TSC22D2: variants seen among roughly 807,000 people sequenced by gnomAD.
The protein encoded by TSC22D2 is TSC22 domain family member 2.
A neutral mutation model predicts 50.1 loss-of-function variants in TSC22D2; 5 were observed. The observed-to-expected ratio is 0.10, with a 90% CI of 0.05 to 0.21. The LOEUF (loss-of-function observed/expected upper bound fraction) is 0.21, where lower values mean the gene tolerates loss of function less well. Among genes scored for constraint, TSC22D2 ranks in the 10% least tolerant of loss-of-function variants. The pLI is 1.00. For missense variants in TSC22D2, 1,003 were observed against 1,015.5 expected, an observed-to-expected ratio of 0.99 and a Z score of 0.17; for synonymous variants, 501 against 450.1, an observed-to-expected ratio of 1.11 and a Z score of -1.43.
chr3:150,434,197 G>A (rs1720466172), intron 1 of TSC22D2, among the ~76,000 whole-genome samples: 1 of 150,448 alleles, frequency 6.6e-6, no homozygotes, highest in African/African-American at 2.4e-5. Context: ...CACCCAGGCT[G>A]GAATGCAGTG....
chr3:150,427,585 C>T (rs981123341), intron 1 of TSC22D2, among the ~76,000 whole-genome samples: 2 of 152,080 alleles, frequency 1.3e-5, no homozygotes, highest in Non-Finnish European at 2.9e-5. Context: ...AGGATATGTA[C>T]CTGAACCATT....
rs1276198789 is a variant in TSC22D2, at chr3:150,464,163, TAAC to T, written c.*5531_*5533del. The T allele has an allele frequency of 1.3e-5, 2 of 152,170 alleles. No individual in the cohort carries two copies. The highest frequency in any genetic ancestry group is 4.8e-5 in the African/African-American group (2 of 41,444). The allele number at this position is 152,170 out of a possible 1,614,324, so 9.4% of individuals were successfully genotyped here. A position where few individuals can be genotyped will look rare whatever the true frequency, so the allele number is the denominator to read the frequency against. On this transcript the variant is annotated 3_prime_UTR_variant, in exon 3 of 3. Coordinates refer to ENST00000688009, the MANE Select transcript of TSC22D2 (RefSeq NM_001303264.2). The stretch of plus-strand genomic sequence containing the variant: ...TTTGCATGCCTACAATATTTCCATA[TAAC>T]AACTGTAAAATACTCTTGCCTGCTG...
intron 1 of TSC22D2, among the ~76,000 whole-genome samples, chr3:150,440,453 ATT>A (rs11290815): frequency 0.011 from 1,600 of 148,658 alleles, 26 homozygotes; most frequent in African/African-American, 0.037. Flanking sequence ...ATATATGTGT[ATT>A]TTTTTTTTTA....
Position 150,410,562 on chromosome 3 carries a change from C to T in TSC22D2, c.1212C>T (p.Ser404=), listed in dbSNP as rs1348364288. Residue 404 remains serine (S), a synonymous_variant, in exon 1 of 3, where the codon AGC becomes AGT. Transcript: ENST00000688009. ...CCTCGTCCACCGGCGCCGCAGCGAG[C>T]CCCGCCACGGCGGCCACCCTTCCCG... ...AQPSSTGAAA[S]PATAATLPVG... is the part of the protein sequence containing the mutation. 2 of 1,551,978 alleles carry T rather than the reference C, an allele frequency of 1.3e-6. No homozygotes were observed. Among genetic ancestry groups the T allele is most frequent in the Non-Finnish European group, 1.7e-6 (2 of 1,150,788 alleles).
rs145849661 is a variant in TSC22D2 at position 150,411,614 on chromosome 3, A to G, written c.1958+306A>G. On this transcript the variant is annotated intron_variant, in intron 1 of 2. Transcript: ENST00000688009. ...GTGGTAGCTAGTGTGTTATGCTCCC[A>G]TAGAATTGTCCTTTTCTTACATATC... Among the ~76,000 whole-genome samples, 342 of 152,288 alleles carry G rather than the reference A, an allele frequency of 2.2e-3. 1 individual carries two copies. Among genetic ancestry groups the G allele is most frequent in the African/African-American group, 7.9e-3 (328 of 41,534 alleles).
intron 1 of TSC22D2, among the ~76,000 whole-genome samples, chr3:150,425,032 A>G (rs1210357178): frequency 6.6e-6 from 1 of 152,214 alleles, no homozygotes; most frequent in East Asian, 1.9e-4. Context: ...ATAAAGTATC[A>G]TGAGACCGTT....
chr3:150,431,224 CAAAAAAAAAAAAAAAA>C lies in TSC22D2; in HGVS notation c.1958+19928_1958+19943del, dbSNP rs71138443. 1.8e-4 allele frequency among the ~76,000 whole-genome samples: 5 copies of C among 27,962 alleles called. No homozygotes were observed. The South Asian group carries it at 6.0e-3, about 33-fold the overall frequency. The allele number at this position is 27,962 out of a possible 152,430, so 18.3% of individuals were successfully genotyped here. On this transcript the variant is annotated intron_variant, in intron 1 of 2. Transcript: ENST00000688009. ...TGGGTGACAGAGTGAGGCTCTGTCT[CAAAAAAAAAAAAAAAA>C]AAAAAAAAAAAGAGTAGATAGGAAA...
chr3:150,436,235 A>T (rs888228695), intron 1 of TSC22D2, among the ~76,000 whole-genome samples: 3 of 151,852 alleles, frequency 2.0e-5, no homozygotes, highest in Admixed American at 6.6e-5. Flanking sequence ...CACCCTTAAA[A>T]TTTTTTTTTG....
Position 150,409,080 on chromosome 3 carries a change from G to A in TSC22D2, c.-271G>A. 2.9e-6 allele frequency: 1 copy of A among 347,286 alleles called. No homozygotes were observed. The highest frequency in any genetic ancestry group is 5.3e-6 in the Non-Finnish European group (1 of 189,270). The allele number at this position is 347,286 out of a possible 1,614,324, so 21.5% of individuals were successfully genotyped here. On this transcript the variant is annotated 5_prime_UTR_variant, in exon 1 of 3. Transcript: ENST00000688009. This position sits in a 1 kb window ranked among gnomAD's most constrained non-coding sequence, Gnocchi z 7.4. ...TCTGAGGGAATTGAATTGAGGCGCC[G>A]CGGCTGCGAGAGCTAAAAAGGAAGG...
intron 1 of TSC22D2, among the ~76,000 whole-genome samples, chr3:150,449,135 T>C (rs1286283528): frequency 1.3e-5 from 2 of 152,178 alleles, no homozygotes; most frequent in African/African-American, 4.8e-5. Flanking sequence ...TGTTGATCAT[T>C]GTTTTGTTTG....
At chr3:150,418,096 T>C (rs2108065475) in intron 1 of TSC22D2, among the ~76,000 whole-genome samples, 1 of 152,194 alleles carries the variant, frequency 6.6e-6, no homozygotes, top group Middle Eastern at 3.4e-3. Context: ...CACTTGACTA[T>C]TGTGTGGCAA....
intron 1 of TSC22D2, among the ~76,000 whole-genome samples, chr3:150,429,046 C>T (rs1350993152): frequency 1.3e-5 from 2 of 152,076 alleles, no homozygotes; most frequent in African/African-American, 2.4e-5. Flanking sequence ...ACTTCTGTTT[C>T]GTCATTATTG....
rs779029786 is a variant in TSC22D2 at position 150,410,418 on chromosome 3, G to T, written c.1068G>T (p.Gln356His). ...VGAPAAQQPQ[Q>H]FAYPQPQIPP... is the part of the protein sequence containing the mutation. ...CCCCCGCGGCGCAGCAGCCCCAGCA[G>T]TTCGCGTATCCTCAGCCTCAGATAC... The change falls in exon 1 of 3, where the codon CAG becomes CAT. Residue 356 changes from glutamine (Q) to histidine (H), a missense_variant. Gln to His is a conservative substitution (Grantham distance 24). Transcript: ENST00000688009. The T allele has an allele frequency of 2.5e-6, 4 of 1,608,946 alleles. No individual in the cohort carries two copies.
intron 1 of TSC22D2, among the ~76,000 whole-genome samples, chr3:150,436,457 A>G (rs1720547188): frequency 6.6e-6 from 1 of 152,142 alleles, no homozygotes; most frequent in African/African-American, 2.4e-5. Context: ...TACCAGCATT[A>G]TAGATAAGTA....
At chr3:150,452,445 CAAAA>C (rs111675293) in intron 1 of TSC22D2, among the ~76,000 whole-genome samples, 1 of 140,690 alleles carries the variant, frequency 7.1e-6, no homozygotes, top group African/African-American at 2.6e-5. Context: ...AACTCTGTCT[CAAAA>C]AAAAAAAAGA....
At chr3:150,412,239 T>G (rs576476139) in intron 1 of TSC22D2, among the ~76,000 whole-genome samples, 1 of 152,304 alleles carries the variant, frequency 6.6e-6, no homozygotes, top group African/African-American at 2.4e-5. Flanking sequence ...TTGCAAAATT[T>G]TAAAAGCTGA....
At chr3:150,429,614 AAG>A (rs749107082) in intron 1 of TSC22D2, among the ~76,000 whole-genome samples, 110 of 152,150 alleles carry the variant, frequency 7.2e-4, no homozygotes, top group Non-Finnish European at 2.8e-4. Context: ...GTGGGAAAGA[AAG>A]AAATTGTATG....
At position 150,460,232 on chromosome 3, in the gene TSC22D2, T is replaced by TAAAAC. The variant is rs1049501275; in HGVS notation, c.*1599_*1603dup. ...ACTGATAGTTCTTAAATTTTCAAAGTAAAACAATTTAAAGAATGCAAAAAT... is the reference window on the plus strand; with the variant it reads ...ACTGATAGTTCTTAAATTTTCAAAGTAAAACAAAACAATTTAAAGAATGCAAAAAT... On this transcript the variant is annotated 3_prime_UTR_variant, in exon 3 of 3. Transcript: ENST00000688009. The TAAAAC allele has an allele frequency of 1.3e-5, 2 of 152,148 alleles. No homozygotes were observed. The highest frequency in any genetic ancestry group is 4.8e-5 in the African/African-American group (2 of 41,462). 9.4% of individuals were successfully genotyped at this position (152,148 alleles called of 1,614,324 possible).
In TSC22D2 at chr3:150,410,557, G is replaced by T. The variant is rs1018722865; in HGVS notation, c.1207G>T (p.Ala403Ser). 10 of 1,548,204 alleles carry T rather than the reference G, an allele frequency of 6.5e-6. No homozygotes were observed. The highest frequency in any genetic ancestry group is 8.7e-6 in the Non-Finnish European group (10 of 1,148,660). Residue 403 changes from alanine (A) to serine (S), a missense_variant, in exon 1 of 3, where the codon GCG (alanine) becomes TCG (serine). Physicochemically the swap from Ala to Ser is moderately conservative, Grantham distance 99. Around this residue, in one of 6 missense-constraint regions of TSC22D2, gnomAD observed 696 missense variants for 647.8 expected, o/e 1.07. Transcript: ENST00000688009. The stretch of plus-strand genomic sequence containing the variant: ...GCAGCCCTCGTCCACCGGCGCCGCA[G>T]CGAGCCCCGCCACGGCGGCCACCCT... ...PAQPSSTGAAASPATAATLPV... is the reference protein window; with the variant it reads ...PAQPSSTGAASSPATAATLPV...
Sources: allele counts gnomAD v4.1 joint callset (sites outside exome capture counted in the v4.1 genomes callset), GRCh38; gene constraint gnomAD v4.1.1; regional missense constraint gnomAD v4.1.1; non-coding constraint Gnocchi (gnomAD v3.1); transcripts MANE v1.5; gene names NCBI Gene and HGNC (gene_info 2026-07-23, HGNC 2026-07-21).